Variants in NTRK2 observed in about 807,000 individuals in gnomAD.
NTRK2 encodes BDNF/NT-3 growth factors receptor.
NTRK2 carries 13 observed loss-of-function variants against 94.5 expected under a neutral mutation model. The observed-to-expected ratio is 0.14, with a 90% CI of 0.09 to 0.22. The LOEUF is 0.22. Among genes scored for constraint, NTRK2 ranks in the 10% least tolerant of loss-of-function variants. The probability of loss-of-function intolerance (pLI) is 1.00; values close to 1 mark genes in which losing one functional copy is unlikely to be tolerated. For synonymous variants in NTRK2, 372 were observed against 407.4 expected, an observed-to-expected ratio of 0.91 and a Z score of 1.05; for missense variants, 639 against 1,071.2, an observed-to-expected ratio of 0.60 and a Z score of 5.63.
intron 4 of NTRK2, 38 bp from the exon 5 acceptor site, chr9:84,707,801 GTAACA>G (rs2061198293): frequency 6.9e-7 from 1 of 1,457,670 alleles, no homozygotes; most frequent in African/African-American, 1.4e-5. Context: ...TTCCTAAAAT[GTAACA>G]TTTTAAATTC....
At chr9:84,893,596 C>G (rs558126962) in intron 14 of NTRK2, among the ~76,000 whole-genome samples, 1 of 152,158 alleles carries the variant, frequency 6.6e-6, no homozygotes, top group South Asian at 2.1e-4. Flanking sequence ...CAGGCACTCA[C>G]GAACCCCAGA....
intron 2 of NTRK2, among the ~76,000 whole-genome samples, chr9:84,685,404 C>T (rs1434032022): frequency 1.3e-5 from 2 of 149,580 alleles, no homozygotes; most frequent in African/African-American, 5.0e-5. Flanking sequence ...GTGTCTTACT[C>T]ATCAGTCTTC....
chr9:84,873,467 G>A, intron 14 of NTRK2: 1 of 1,059,804 alleles, frequency 9.4e-7, no homozygotes, highest in Non-Finnish European at 1.1e-6. Context: ...TGTTCTGCAG[G>A]TCCCAATACA....
intron 14 of NTRK2, among the ~76,000 whole-genome samples, chr9:84,929,203 T>C (rs1381646041): frequency 6.6e-6 from 1 of 152,234 alleles, no homozygotes; most frequent in Admixed American, 6.5e-5. Context: ...AATCTGAAAC[T>C]ACAAGCATCT....
intron 12 of NTRK2, among the ~76,000 whole-genome samples, chr9:84,823,123 A>C (rs563507235): frequency 6.6e-6 from 1 of 152,268 alleles, no homozygotes; most frequent in South Asian, 2.1e-4. Context: ...AGGCTGGGCA[A>C]GTCAACATTT....
intron 14 of NTRK2, chr9:84,875,306 G>T: frequency 9.4e-7 from 1 of 1,059,444 alleles, no homozygotes; most frequent in African/African-American, 1.6e-5. Context: ...AGATGTGCAG[G>T]GGTTAAGAGC....
At chr9:84,832,576 T>C (rs2073619345) in intron 12 of NTRK2, among the ~76,000 whole-genome samples, 1 of 152,202 alleles carries the variant, frequency 6.6e-6, no homozygotes. Context: ...CAGGCCCAGC[T>C]GTAATCACAT....
Position 84,700,494 on chromosome 9 carries a change from C to T in NTRK2, c.213-1665C>T, listed in dbSNP as rs148319834. On this transcript the variant is annotated intron_variant, in intron 2 of 18. Transcript: ENST00000277120. ...AACCAAGAATTTTTTCAGAAGAAGC[C>T]GCCGTTCTATCTTGGAGGCTGGTTT... Among the ~76,000 whole-genome samples, 112 of 152,202 alleles carry T rather than the reference C, an allele frequency of 7.4e-4. No homozygotes were observed. In the East Asian group the frequency reaches 0.014, roughly 20 times the overall value.
rs2061044417 is a variant in NTRK2 at position 84,706,145 on chromosome 9, CA to C, written c.360-1697del. Among the ~76,000 whole-genome samples, 3 of 152,272 alleles carry C rather than the reference CA, an allele frequency of 2.0e-5. No individual in the cohort carries two copies. The South Asian group carries it at 6.2e-4, about 32-fold the overall frequency. On this transcript the variant is annotated intron_variant, in intron 4 of 18. Transcript: ENST00000277120. ...AAGAGACCTATGTGGGCACATTTTA[CA>C]ACTTCCTGGTGGATTATTTTTCATG...
chr9:84,701,529 G>A (rs1176732801), intron 2 of NTRK2, among the ~76,000 whole-genome samples: 1 of 152,176 alleles, frequency 6.6e-6, no homozygotes, highest in Non-Finnish European at 1.5e-5. Flanking sequence ...AGGGCTTAGG[G>A]GGTGGGGGAG....
chr9:84,812,969 T>C, intron 12 of NTRK2: 1 of 1,033,522 alleles, frequency 9.7e-7, no homozygotes, highest in Non-Finnish European at 1.2e-6. Context: ...TTTTAATCCC[T>C]GAAGGGATGA....
At chr9:84,811,345 C>T in intron 12 of NTRK2, 6 of 1,065,992 alleles carry the variant, frequency 5.6e-6, no homozygotes, top group Non-Finnish European at 6.8e-6. Flanking sequence ...AAAACAAGAA[C>T]AAGCAGCAAC....
intron 17 of NTRK2, among the ~76,000 whole-genome samples, chr9:84,996,466 G>A (rs2133364651): frequency 6.6e-6 from 1 of 152,340 alleles, no homozygotes; most frequent in East Asian, 1.9e-4. Context: ...CAGCTTTGTG[G>A]ACTTAAAGTG....
intron 12 of NTRK2, among the ~76,000 whole-genome samples, chr9:84,857,619 G>A (rs377094274): frequency 6.6e-6 from 1 of 152,088 alleles, no homozygotes; most frequent in East Asian, 1.9e-4. Context: ...GGAAGTGTGC[G>A]GTATGATCAA....
intron 12 of NTRK2, among the ~76,000 whole-genome samples, chr9:84,824,997 T>C (rs2073094020): frequency 6.6e-6 from 1 of 151,906 alleles, no homozygotes; most frequent in African/African-American, 2.4e-5. Flanking sequence ...ATCAGTTTTT[T>C]TTTTTTTTTA....
At chr9:84,843,723 A>G (rs1186158525) in intron 12 of NTRK2, among the ~76,000 whole-genome samples, 1 of 152,170 alleles carries the variant, frequency 6.6e-6, no homozygotes, top group African/African-American at 2.4e-5. Flanking sequence ...GCTATGCACT[A>G]TGTAGAATAA....
rs183374521 is a variant in NTRK2, at chr9:84,834,328, G to A, written c.1397-26712G>A. ...TCTCTATTTAATCCTACCTATAAAGGAAGTTAAATCAAATCAATTTAAAAT... is the reference window on the plus strand; with the variant it reads ...TCTCTATTTAATCCTACCTATAAAGAAAGTTAAATCAAATCAATTTAAAAT... On this transcript the variant is annotated intron_variant, in intron 12 of 18. Coordinates refer to ENST00000277120, the MANE Select transcript of NTRK2 (RefSeq NM_006180.6). 2.9e-3 allele frequency among the ~76,000 whole-genome samples: 441 copies of A among 152,156 alleles called. 3 individuals carry two copies. Among genetic ancestry groups the A allele is most frequent in the Non-Finnish European group, 5.3e-3 (362 of 68,004 alleles).
At chr9:84,965,913 C>G (rs1314678896) in intron 17 of NTRK2, among the ~76,000 whole-genome samples, 1 of 152,164 alleles carries the variant, frequency 6.6e-6, no homozygotes, top group African/African-American at 2.4e-5. Context: ...GTATGAGAGA[C>G]TAGAAAACTC....
At chr9:85,010,668 G>T (rs1036717049) in intron 17 of NTRK2, among the ~76,000 whole-genome samples, 2 of 152,168 alleles carry the variant, frequency 1.3e-5, no homozygotes, top group Non-Finnish European at 2.9e-5. Context: ...CTGTCAGCAG[G>T]AGGGGAAGAA....
Sources: allele counts gnomAD v4.1 joint callset (sites outside exome capture counted in the v4.1 genomes callset), GRCh38; gene constraint gnomAD v4.1.1; transcripts MANE v1.5; gene names NCBI Gene and HGNC (gene_info 2026-07-23, HGNC 2026-07-21).